Variants in BOP1 observed in about 807,000 individuals in gnomAD.
BOP1 encodes ribosome biogenesis protein BOP1.
BOP1 carries 54 observed loss-of-function variants against 82.9 expected under a neutral mutation model. The ratio of observed to expected loss-of-function variants is 0.65; its 90% CI spans 0.52 to 0.82. The LOEUF is 0.82. Among genes scored for constraint, BOP1 ranks in the 40% least tolerant of loss-of-function variants. The pLI is 0.00. For synonymous variants in BOP1, 566 were observed against 451.1 expected, an observed-to-expected ratio of 1.25 and a Z score of -3.23; for missense variants, 1,170 against 1,072.0, an observed-to-expected ratio of 1.09 and a Z score of -1.28.
chr8:144,266,961 G>A, intron 3 of BOP1: 2 of 1,557,614 alleles, frequency 1.3e-6, no homozygotes, highest in Admixed American at 1.7e-5. Context: ...AGATTGAGAC[G>A]CTGCGCCTGG....
At chr8:144,283,703 G>A (rs1420663407) in intron 2 of BOP1, among the ~76,000 whole-genome samples, 6 of 152,264 alleles carry the variant, frequency 3.9e-5, no homozygotes, top group East Asian at 1.9e-4. Context: ...CTAAACAAGA[G>A]GAAAAGATGA....
intron 3 of BOP1, among the ~76,000 whole-genome samples, chr8:144,267,408 C>A (rs1845400123): frequency 6.6e-6 from 1 of 152,160 alleles, no homozygotes; most frequent in African/African-American, 2.4e-5. Flanking sequence ...CTGCAGGGAG[C>A]TGCATGAGGG....
In BOP1 at chr8:144,262,815, ACCCCTCACCTGCAGGGTGCACCG is replaced by A. The variant is rs782244045; in HGVS notation, c.1894+15_1894+37del. On this transcript the variant is annotated intron_variant, in intron 13 of 15. Transcript: ENST00000569669. ...TGCAGGGTACACCGCCCCCCCCCCC[ACCCCTCACCTGCAGGGTGCACCG>A]CCCCCACCCCTCACCTGCAGGGTGC... 3.6e-3 allele frequency: 1,316 copies of A among 361,976 alleles called. 44 individuals are homozygous for A. In the African/African-American group the frequency reaches 0.069, roughly 19 times the overall value. 22.4% of individuals were successfully genotyped at this position (361,976 alleles called of 1,614,324 possible).
Position 144,263,607 on chromosome 8 carries a change from G to A in BOP1, c.1295C>T (p.Ser432Phe). The A allele has an allele frequency of 1.2e-6, 2 of 1,608,280 alleles. No individual in the cohort carries two copies. The highest frequency in any genetic ancestry group is 1.7e-6 in the Non-Finnish European group (2 of 1,179,688). Residue 432 changes from serine to phenylalanine, a missense_variant, in exon 11 of 16, where the codon TCT (serine) becomes TTT (phenylalanine). Coordinates refer to ENST00000569669, the MANE Select transcript of BOP1 (RefSeq NM_015201.5). The stretch of plus-strand genomic sequence containing the variant: ...CCAGAGCCGCAGGGAGCCGTCGTCA[G>A]AGCCTGGATGCGGCAGAGACAGCTC... ...SPGGQWLVSG[S>F]DDGSLRLWEV...
rs907074058 is a variant in BOP1, at chr8:144,263,045, G to A, written c.1702C>T (p.Arg568Cys). The A allele has an allele frequency of 1.4e-4, 222 of 1,578,082 alleles. 1 individual carries two copies. In the East Asian group the frequency reaches 2.8e-3, roughly 20 times the overall value. Residue 568 changes from arginine to cysteine, a missense_variant, in exon 13 of 16, where the codon CGT becomes TGT. Transcript: ENST00000569669. ...HTQVLIHQLS[R>C]RRSQSPFRRS... ...CGGAACGGACTCTGGCTGCGGCGAC[G>A]GCTCAGCTGGTGAATCAGCACCTGG... is the stretch of plus-strand genomic sequence containing the variant.
chr8:144,288,981 C>T, intron 2 of BOP1, 114 bp downstream of exon 2: 1 of 1,189,178 alleles, frequency 8.4e-7, no homozygotes, highest in Non-Finnish European at 1.2e-6. Flanking sequence ...AGGAGGGACG[C>T]CGGCCTTGGG....
At chr8:144,280,875 A>G (rs1845657436) in intron 2 of BOP1, among the ~76,000 whole-genome samples, 1 of 149,878 alleles carries the variant, frequency 6.7e-6, no homozygotes, top group Admixed American at 6.6e-5. Context: ...ATCTGGAATC[A>G]TCACTTTAAT....
In BOP1 at chr8:144,264,784, T is replaced by G; in HGVS notation, c.593A>C (p.Asp198Ala). 1 of 1,608,358 alleles carries G rather than the reference T, an allele frequency of 6.2e-7. No homozygotes were observed. The highest frequency in any genetic ancestry group is 2.2e-5 in the East Asian group (1 of 44,684). Residue 198 changes from aspartate (D) to alanine (A), a missense_variant, in exon 5 of 16, where the codon GAT becomes GCT. Asp to Ala is a moderately radical substitution (Grantham distance 126). Coordinates refer to ENST00000569669, the MANE Select transcript of BOP1 (RefSeq NM_015201.5). ...PMTGRDLRLT[D>A]EQVALVRRLQ... Reference sequence around the variant, plus strand: ...CCGCCGCACCAGGGCCACCTGCTCATCCGTCAGTCTCAGGTCCCGCCCTGT... The same window carrying G: ...CCGCCGCACCAGGGCCACCTGCTCAGCCGTCAGTCTCAGGTCCCGCCCTGT...
At chr8:144,278,243 G>GGTGCCAGGAGCTTGGCA (rs58097203) in intron 2 of BOP1, among the ~76,000 whole-genome samples, 30 of 151,698 alleles carry the variant, frequency 2.0e-4, no homozygotes, top group African/African-American at 7.0e-4. Context: ...GCAAGGACGA[G>GGTGCCAGGAGCTTGGCA]GTGCCAGCAG....
chr8:144,287,670 T>C (rs1443959794), intron 2 of BOP1, among the ~76,000 whole-genome samples: 3 of 152,138 alleles, frequency 2.0e-5, no homozygotes, highest in African/African-American at 7.2e-5. Context: ...TGGCCCAGTA[T>C]TGTATCATTT....
intron 2 of BOP1, among the ~76,000 whole-genome samples, chr8:144,284,529 C>T (rs1260710632): frequency 3.9e-5 from 6 of 152,168 alleles, no homozygotes; most frequent in African/African-American, 1.2e-4. Context: ...CCTGAGACAG[C>T]GCACGGCTGC....
intron 3 of BOP1, among the ~76,000 whole-genome samples, chr8:144,272,612 GC>G (rs1196377064): frequency 6.6e-6 from 1 of 152,154 alleles, no homozygotes; most frequent in Non-Finnish European, 1.5e-5. Context: ...AAGGACACTG[GC>G]CCCGAGTGGG....
At chr8:144,262,802 C>CGGG in intron 13 of BOP1, 51 bp downstream of exon 13, 2 of 845,252 alleles carry the variant, frequency 2.4e-6, no homozygotes, top group Non-Finnish European at 3.2e-6. Flanking sequence ...CAGGGTACAC[C>CGGG]GCCCCCCCCC....
At chr8:144,289,377 C>T (rs1554839862) in intron 1 of BOP1, 73 bp from the exon 2 acceptor site, 1 of 1,494,170 alleles carries the variant, frequency 6.7e-7, no homozygotes, top group East Asian at 2.4e-5. Flanking sequence ...GGGAGAGCTG[C>T]CTCTCGCCCC....
Position 144,262,493 on chromosome 8 carries a change from T to C in BOP1, c.1990A>G (p.Lys664Glu). 1.9e-6 allele frequency: 3 copies of C among 1,612,644 alleles called. No homozygotes were observed. Among genetic ancestry groups the C allele is most frequent in the South Asian group, 1.1e-5 (1 of 91,048 alleles). ...KPYRMLRHHK[K>E]ALRAVAFHPR... is the part of the protein sequence containing the mutation. ...TGGAAGGCCACAGCCCGCAGAGCCT[T>C]CTTGTGGTGTCTGGGGGGAGGGAAC... The change falls in exon 15 of 16, where the codon AAG becomes GAG. Residue 664 changes from lysine to glutamate, a missense_variant. Coordinates refer to ENST00000569669, the MANE Select transcript of BOP1 (RefSeq NM_015201.5).
intron 3 of BOP1, chr8:144,266,503 C>G: frequency 1.0e-6 from 1 of 987,456 alleles, no homozygotes; most frequent in East Asian, 1.1e-4. Context: ...CACCGCGGGG[C>G]GCAGCCGAGA....
In BOP1 at chr8:144,291,421, G is replaced by C. The variant is rs1173983438; in HGVS notation, c.-51C>G. 4.4e-5 allele frequency: 48 copies of C among 1,078,948 alleles called. 1 individual carries two copies. In the Middle Eastern group the frequency reaches 1.2e-3, roughly 26 times the overall value. The allele number at this position is 1,078,948 out of a possible 1,614,324, so 66.8% of individuals were successfully genotyped here. A position where few individuals can be genotyped will look rare whatever the true frequency, so the allele number is the denominator to read the frequency against. On this transcript the variant is annotated 5_prime_UTR_variant, in exon 1 of 16. Transcript: ENST00000569669. The surrounding 1 kb of genome is among the most constrained non-coding windows in gnomAD (Gnocchi z 4.1). ...CGCACAGCCGCTTCCGACAGCGACC[G>C]GGCCGCGTGCGCAGGAGGACGCGCC...
In BOP1 at chr8:144,266,816, G is replaced by GCCGGCCAGGCCGTGAGCC. The variant is rs1845380978; in HGVS notation, c.391-1763_391-1746dup. On this transcript the variant is annotated intron_variant, in intron 3 of 15. Transcript: ENST00000569669. ...CGGGCCGGGGGCGGGGGGCCAGGGG[G>GCCGGCCAGGCCGTGAGCC]CCGGCCAGGCCGTGAGCCCCGGCAG... 1.2e-5 allele frequency: 14 copies of GCCGGCCAGGCCGTGAGCC among 1,197,898 alleles called. No homozygotes were observed. The South Asian group carries it at 3.9e-4, about 33-fold the overall frequency. The allele number at this position is 1,197,898 out of a possible 1,614,324, so 74.2% of individuals were successfully genotyped here. A position where few individuals can be genotyped will look rare whatever the true frequency, so the allele number is the denominator to read the frequency against.
chr8:144,263,224 C>G lies in BOP1; in HGVS notation c.1602G>C (p.Gly534=), dbSNP rs781858674. The G allele has an allele frequency of 5.0e-6, 8 of 1,594,826 alleles. No individual in the cohort carries two copies. The Admixed American group carries it at 1.2e-4, about 23-fold the overall frequency. Residue 534 remains glycine (G), a synonymous_variant, in exon 12 of 16, where the codon GGG becomes GGC. Transcript: ENST00000569669. ...ACCCCCAAGGCGCCCCACGTACCTT[C>G]CCGTGGCAGATGCGCAGCCGCAGGC... ...QVGLRLRICH[G]KPVTQVTWHG...
Sources: gnomAD v4.1 joint callset for allele counts (sites outside exome capture counted in the v4.1 genomes callset) on GRCh38, gnomAD v4.1.1 for gene constraint, Gnocchi (gnomAD v3.1) non-coding constraint, MANE v1.5 for transcripts, NCBI Gene and HGNC (gene_info 2026-07-23, HGNC 2026-07-21) for gene names.